Variants in PTPRG observed in about 807,000 individuals in gnomAD.
PTPRG encodes the protein protein tyrosine phosphatase receptor type G.
A neutral mutation model predicts 165.3 loss-of-function variants in PTPRG; 102 were observed. The observed-to-expected ratio is 0.62, with a 90% CI of 0.53 to 0.73. The LOEUF (loss-of-function observed/expected upper bound fraction) is 0.73. Ranked by LOEUF, PTPRG falls within the 30% of genes least tolerant of loss-of-function variation. The probability of loss-of-function intolerance (pLI) is 0.00; values close to 1 mark genes in which losing one functional copy is unlikely to be tolerated. For synonymous variants in PTPRG, 675 were observed against 669.5 expected, an observed-to-expected ratio of 1.01 and a Z score of -0.13; for missense variants, 1,866 against 1,861.4, an observed-to-expected ratio of 1.00 and a Z score of -0.05.
At chr3:62,283,939 A>G (rs896973660) in intron 28 of PTPRG, among the ~76,000 whole-genome samples, 2 of 152,164 alleles carry the variant, frequency 1.3e-5, no homozygotes, top group African/African-American at 2.4e-5. Context: ...ATTAAATAGC[A>G]TAAGATCAAT....
At chr3:61,836,132 G>A (rs1198105121) in intron 2 of PTPRG, among the ~76,000 whole-genome samples, 1 of 144,146 alleles carries the variant, frequency 6.9e-6, no homozygotes, top group Non-Finnish European at 1.5e-5. Context: ...TGGCTCTTTG[G>A]ATATTTGTAG....
intron 4 of PTPRG, among the ~76,000 whole-genome samples, chr3:62,066,349 T>G (rs941841036): frequency 2.0e-5 from 3 of 152,230 alleles, no homozygotes; most frequent in African/African-American, 7.2e-5. Flanking sequence ...ATTTATAACC[T>G]TTTATTTGTG....
chr3:62,092,442 A>G (rs75681304), intron 5 of PTPRG, among the ~76,000 whole-genome samples: 3 of 140,002 alleles, frequency 2.1e-5, no homozygotes, highest in South Asian at 2.1e-4. Flanking sequence ...TCCATCTGAA[A>G]AAAAAAAAAA....
chr3:61,632,141 C>T (rs1010497240), intron 1 of PTPRG, among the ~76,000 whole-genome samples: 2 of 152,086 alleles, frequency 1.3e-5, no homozygotes, highest in Admixed American at 1.3e-4. Flanking sequence ...CTCATCTGTA[C>T]AAAAAATACC....
chr3:61,748,681 C>T (rs558908688), intron 1 of PTPRG, among the ~76,000 whole-genome samples, 197 bp from the exon 2 acceptor site: 5 of 150,968 alleles, frequency 3.3e-5, no homozygotes, highest in South Asian at 4.2e-4. Flanking sequence ...TCCTTGTCAA[C>T]GATTCCTAAT....
intron 2 of PTPRG, among the ~76,000 whole-genome samples, chr3:61,849,423 G>C (rs571123455): frequency 6.6e-6 from 1 of 152,238 alleles, no homozygotes; most frequent in Admixed American, 6.5e-5. Context: ...ATGTGTAGGT[G>C]ATGAAAAAGA....
At chr3:61,854,982 C>T (rs570324345) in intron 2 of PTPRG, among the ~76,000 whole-genome samples, 2 of 152,046 alleles carry the variant, frequency 1.3e-5, no homozygotes, top group South Asian at 2.1e-4. Context: ...GAGGGAATGC[C>T]GCTGGTTTAT....
intron 5 of PTPRG, among the ~76,000 whole-genome samples, chr3:62,109,767 C>G (rs1559517203): frequency 6.6e-6 from 1 of 152,120 alleles, no homozygotes; most frequent in East Asian, 1.9e-4. Flanking sequence ...CAGCTGCAGC[C>G]CACACCCTCC....
At chr3:62,289,765 A>G (rs1702811315) in intron 28 of PTPRG, among the ~76,000 whole-genome samples, 1 of 144,614 alleles carries the variant, frequency 6.9e-6, no homozygotes, top group Non-Finnish European at 1.5e-5. Context: ...TATAATTGTT[A>G]TTTACCAGAT....
chr3:61,756,572 T>A (rs891749865), intron 2 of PTPRG, among the ~76,000 whole-genome samples: 5 of 152,226 alleles, frequency 3.3e-5, no homozygotes, highest in African/African-American at 9.6e-5. Flanking sequence ...TTATTTTTTT[T>A]AAACTTTCAT....
intron 5 of PTPRG, among the ~76,000 whole-genome samples, chr3:62,086,971 G>A (rs1701773109): frequency 6.6e-6 from 1 of 152,176 alleles, no homozygotes; most frequent in Non-Finnish European, 1.5e-5. Context: ...AAGAGACTTT[G>A]AATTCTTTGA....
At position 62,203,411 on chromosome 3, in the gene PTPRG, C is replaced by T. The variant is rs754408710; in HGVS notation, c.1616C>T (p.Pro539Leu). 10 of 1,610,502 alleles carry T rather than the reference C, an allele frequency of 6.2e-6. No individual in the cohort carries two copies. The highest frequency in any genetic ancestry group is 3.4e-5 in the Admixed American group (2 of 59,566). Residue 539 changes from proline to leucine, a missense_variant, in exon 12 of 30, where the codon CCG becomes CTG. Pro to Leu is a moderately conservative substitution (Grantham distance 98, BLOSUM62 -3). Around this residue, in one of 3 missense-constraint regions of PTPRG, gnomAD observed 1,452 missense variants for 1,463.0 expected, o/e 0.99. Coordinates refer to ENST00000474889, the MANE Select transcript of PTPRG (RefSeq NM_002841.4). This position sits in a 1 kb window ranked among gnomAD's most constrained non-coding sequence, Gnocchi z 6.4. ...FPSTVWPTRL[P>L]TAASASKQAA... is the part of the protein sequence containing the mutation. ...AGCACTGTGTGGCCCACGCGCCTCC[C>T]GACGGCCGCCTCAGCCAGCAAGCAG...
At chr3:61,815,361 C>T (rs1307865227) in intron 2 of PTPRG, among the ~76,000 whole-genome samples, 2 of 151,952 alleles carry the variant, frequency 1.3e-5, no homozygotes, top group Non-Finnish European at 2.9e-5. Flanking sequence ...AGTGACCTGA[C>T]TGTCACACTC....
chr3:62,216,552 C>G (rs996264583), intron 12 of PTPRG, among the ~76,000 whole-genome samples: 2 of 152,014 alleles, frequency 1.3e-5, no homozygotes, highest in Non-Finnish European at 2.9e-5. Flanking sequence ...CCCCCTCCCC[C>G]ACCAGCCAGA....
At chr3:61,939,181 C>T (rs1044575489) in intron 2 of PTPRG, among the ~76,000 whole-genome samples, 9 of 152,128 alleles carry the variant, frequency 5.9e-5, no homozygotes, top group Non-Finnish European at 8.8e-5. Flanking sequence ...TTTTGCACAA[C>T]TTAAGGAAGC....
At chr3:61,612,115 G>C (rs1355477980) in intron 1 of PTPRG, among the ~76,000 whole-genome samples, 1 of 152,114 alleles carries the variant, frequency 6.6e-6, no homozygotes, top group Non-Finnish European at 1.5e-5. Flanking sequence ...GGTAATTTTT[G>C]TATTTTTGGT....
rs139796924 is a variant in PTPRG, at chr3:61,859,632, GTTGT to G, written c.190+110660_190+110663del. The stretch of plus-strand genomic sequence containing the variant: ...CATAGTTTTTTTTTTTTTGGTCATT[GTTGT>G]TTGTTTGTTATTTATGAGCAAGGAA... On this transcript the variant is annotated intron_variant, in intron 2 of 29. Transcript: ENST00000474889. Among the ~76,000 whole-genome samples the G allele has an allele frequency of 0.012, 1,846 of 149,258 alleles. 129 individuals are homozygous for G. In the East Asian group the frequency reaches 0.2, roughly 16 times the overall value.
intron 1 of PTPRG, among the ~76,000 whole-genome samples, chr3:61,674,423 G>T (rs1307229548): frequency 6.7e-6 from 1 of 149,586 alleles, no homozygotes; most frequent in East Asian, 2.0e-4. Context: ...GGAGGTGGAG[G>T]CTGCAGTCAG....
intron 2 of PTPRG, among the ~76,000 whole-genome samples, chr3:61,949,725 C>A (rs1466670518): frequency 7.5e-6 from 1 of 132,898 alleles, no homozygotes; most frequent in Non-Finnish European, 1.5e-5. Context: ...CCTTTGGATT[C>A]TTTGTTTTTT....
Sources: allele counts gnomAD v4.1 joint callset (sites outside exome capture counted in the v4.1 genomes callset), GRCh38; gene constraint gnomAD v4.1.1; regional missense constraint gnomAD v4.1.1; non-coding constraint Gnocchi (gnomAD v3.1); transcripts MANE v1.5; gene names NCBI Gene and HGNC (gene_info 2026-07-23, HGNC 2026-07-21).